Variants in DSCAM observed in about 807,000 individuals in gnomAD.
DSCAM encodes DS cell adhesion molecule.
In DSCAM, 47 loss-of-function variants were observed where a neutral mutation model predicts 217.7. The observed-to-expected ratio is 0.22, with a 90% confidence interval of 0.17 to 0.28. The LOEUF (loss-of-function observed/expected upper bound fraction) is 0.28, where lower values mean the gene tolerates loss of function less well. Ranked by LOEUF, DSCAM falls within the 10% of genes least tolerant of loss-of-function variation. The pLI is 1.00. For missense variants in DSCAM, 2,080 were observed against 2,618.3 expected (o/e 0.79, Z 4.49); for synonymous variants, 1,056 against 1,015.3 (o/e 1.04, Z -0.76).
chr21:40,282,892 T>C (rs192938466), intron 10 of DSCAM, among the ~76,000 whole-genome samples: 37 of 152,324 alleles, frequency 2.4e-4, no homozygotes, highest in African/African-American at 8.4e-4. Flanking sequence ...TAGACTGAAG[T>C]AAGTTTCTTT....
intron 1 of DSCAM, among the ~76,000 whole-genome samples, chr21:40,834,020 A>T (rs1374478592): frequency 6.6e-6 from 1 of 152,108 alleles, no homozygotes. Flanking sequence ...TGGGTGCAAA[A>T]TTGCCCTCCG....
intron 32 of DSCAM, among the ~76,000 whole-genome samples, chr21:40,023,207 A>C (rs2088308776): frequency 6.6e-6 from 1 of 152,064 alleles, no homozygotes. Context: ...TGAACTCATC[A>C]TTTTTTATGG....
chr21:40,050,287 C>T (rs2088907896), intron 30 of DSCAM, among the ~76,000 whole-genome samples: 1 of 152,208 alleles, frequency 6.6e-6, no homozygotes, highest in Non-Finnish European at 1.5e-5. Flanking sequence ...TCTTCTGCCA[C>T]CGTTTCCAAC....
At chr21:40,306,124 G>A (rs1300992958) in intron 9 of DSCAM, among the ~76,000 whole-genome samples, 6 of 151,624 alleles carry the variant, frequency 4.0e-5, no homozygotes, top group Non-Finnish European at 8.8e-5. Flanking sequence ...TCATTGAGCA[G>A]CGGTTTGTAG....
intron 32 of DSCAM, among the ~76,000 whole-genome samples, chr21:40,032,922 T>C (rs753303900): frequency 1.3e-5 from 2 of 152,164 alleles, no homozygotes; most frequent in East Asian, 1.9e-4. Flanking sequence ...TCCCACAAAT[T>C]TGGGAAAGCA....
chr21:40,172,892 G>A (rs918757944), intron 15 of DSCAM, among the ~76,000 whole-genome samples: 8 of 152,222 alleles, frequency 5.3e-5, no homozygotes, highest in African/African-American at 1.9e-4. Flanking sequence ...GTGGGTGGGC[G>A]AGAGGCATGC....
chr21:40,332,807 A>G (rs567710947), intron 8 of DSCAM, among the ~76,000 whole-genome samples: 18 of 152,334 alleles, frequency 1.2e-4, no homozygotes, highest in African/African-American at 4.3e-4. Flanking sequence ...TCAATCTTTG[A>G]AATAAAAAAA....
At chr21:40,332,687 T>G (rs1385236006) in intron 8 of DSCAM, among the ~76,000 whole-genome samples, 1 of 152,190 alleles carries the variant, frequency 6.6e-6, no homozygotes, top group East Asian at 1.9e-4. Context: ...CTTTGACTTT[T>G]ACTTCTGCCT....
At chr21:40,734,727 T>G (rs1441462837) in intron 1 of DSCAM, among the ~76,000 whole-genome samples, 1 of 152,226 alleles carries the variant, frequency 6.6e-6, no homozygotes, top group African/African-American at 2.4e-5. Flanking sequence ...CACACTTGAT[T>G]TCCACACCCT....
chr21:40,391,340 C>G (rs567528872), intron 3 of DSCAM, among the ~76,000 whole-genome samples: 45 of 152,232 alleles, frequency 3.0e-4, no homozygotes, highest in African/African-American at 9.1e-4. Context: ...TGGAGGGAGG[C>G]TAAATTTTAC....
In DSCAM at chr21:40,312,163, C is replaced by T. The variant is rs34336407; in HGVS notation, c.1980G>A (p.Ser660=). The change falls in exon 9 of 33, where the codon TCG becomes TCA. Residue 660 remains serine, a synonymous_variant. Coordinates refer to ENST00000400454, the MANE Select transcript of DSCAM (RefSeq NM_001389.5). ...FTSSLRISNL[S]LMHNGNYTCI... is the part of the protein sequence containing the mutation. ...AGGTGTAATTCCCATTGTGCATGAG[C>T]GAGAGATTGGAAATCCTCAAGGAGC... 127,594 of 1,613,788 alleles carry T rather than the reference C, an allele frequency of 0.079. 5,245 individuals carry two copies. Among genetic ancestry groups the T allele is most frequent in the Non-Finnish European group, 0.084 (99,059 of 1,179,930 alleles).
chr21:40,378,623 G>T (rs2074989348), intron 3 of DSCAM, among the ~76,000 whole-genome samples: 1 of 116,674 alleles, frequency 8.6e-6, no homozygotes, highest in South Asian at 2.9e-4. Context: ...ACGGAGTCTC[G>T]CTCTGTCGCC....
intron 3 of DSCAM, among the ~76,000 whole-genome samples, chr21:40,373,938 C>G (rs1459805338): frequency 6.6e-6 from 1 of 152,136 alleles, no homozygotes; most frequent in Non-Finnish European, 1.5e-5. Flanking sequence ...TGTTGAAGAT[C>G]AAATTAAAAT....
At chr21:40,844,389 G>A (rs1336266004) in intron 1 of DSCAM, among the ~76,000 whole-genome samples, 3 of 152,156 alleles carry the variant, frequency 2.0e-5, no homozygotes, top group Non-Finnish European at 4.4e-5. Context: ...ATCATATAAA[G>A]AGAGGGGCAT....
At chr21:40,290,858 A>C (rs2073883319) in intron 10 of DSCAM, among the ~76,000 whole-genome samples, 1 of 152,218 alleles carries the variant, frequency 6.6e-6, no homozygotes, top group South Asian at 2.1e-4. Context: ...CTGAGCACAA[A>C]ATCAATCTAA....
intron 3 of DSCAM, among the ~76,000 whole-genome samples, chr21:40,406,361 G>A (rs1487984426): frequency 1.3e-5 from 2 of 152,190 alleles, no homozygotes. Flanking sequence ...CATATTCACT[G>A]CAGCATTATT....
chr21:40,196,653 C>T (rs1215176939), intron 11 of DSCAM, among the ~76,000 whole-genome samples: 3 of 151,804 alleles, frequency 2.0e-5, no homozygotes, highest in Non-Finnish European at 2.9e-5. Flanking sequence ...TCCCTTCCTT[C>T]CTTCTTCACT....
chr21:40,169,124 C>T (rs190863431), intron 15 of DSCAM, among the ~76,000 whole-genome samples: 1 of 152,074 alleles, frequency 6.6e-6, no homozygotes, highest in African/African-American at 2.4e-5. Context: ...AAGATACAGG[C>T]TATGGAGTGA....
chr21:40,746,696 T>A (rs2091178372), intron 1 of DSCAM, among the ~76,000 whole-genome samples: 1 of 151,934 alleles, frequency 6.6e-6, no homozygotes. Flanking sequence ...ACGTTGGATT[T>A]AAACAGCCTT....
Sources: allele counts gnomAD v4.1 joint callset (sites outside exome capture counted in the v4.1 genomes callset), GRCh38; gene constraint gnomAD v4.1.1; transcripts MANE v1.5; gene names NCBI Gene and HGNC (gene_info 2026-07-23, HGNC 2026-07-21).